The following MACROD2 variants were observed in gnomAD, a reference collection of about 807,000 sequenced individuals.
MACROD2 encodes mono-ADP ribosylhydrolase 2.
In MACROD2, 36 loss-of-function variants were observed where a neutral mutation model predicts 70.4. The ratio of observed to expected loss-of-function variants is 0.51; its 90% CI spans 0.39 to 0.68. The LOEUF is 0.68. Ranked by LOEUF, MACROD2 falls within the 30% of genes least tolerant of loss-of-function variation. The pLI, the probability that MACROD2 is intolerant of heterozygous loss-of-function variation, is 0.00. For synonymous variants in MACROD2, 172 were observed against 178.8 expected (o/e 0.96, Z 0.30); for missense variants, 496 against 538.4 (o/e 0.92, Z 0.78).
intron 5 of MACROD2, among the ~76,000 whole-genome samples, chr20:14,879,364 C>CCTAT (rs1336855478): frequency 6.6e-6 from 1 of 152,104 alleles, no homozygotes; most frequent in African/African-American, 2.4e-5. Flanking sequence ...ATGAATTTGA[C>CCTAT]CTATCTTTTA....
At chr20:14,785,233 A>G (rs952639820) in intron 5 of MACROD2, among the ~76,000 whole-genome samples, 3 of 151,922 alleles carry the variant, frequency 2.0e-5, no homozygotes, top group African/African-American at 7.3e-5. Context: ...TCATTTTAGG[A>G]GTCTGGGCTG....
intron 15 of MACROD2, among the ~76,000 whole-genome samples, chr20:16,040,651 C>T (rs969870193): frequency 5.3e-5 from 8 of 151,910 alleles, no homozygotes; most frequent in African/African-American, 9.7e-5. Context: ...AATCTACTGA[C>T]GACTAAATTC....
At chr20:15,306,958 T>C (rs2077703535) in intron 6 of MACROD2, among the ~76,000 whole-genome samples, 2 of 152,116 alleles carry the variant, frequency 1.3e-5, no homozygotes, top group South Asian at 4.2e-4. Flanking sequence ...ATTTAACTTA[T>C]GGCAGAAGGC....
intron 3 of MACROD2, among the ~76,000 whole-genome samples, chr20:14,415,744 G>C (rs1387212419): frequency 6.6e-6 from 1 of 152,168 alleles, no homozygotes; most frequent in Non-Finnish European, 1.5e-5. Flanking sequence ...CACAAGGAAA[G>C]AAAGTACAAA....
intron 15 of MACROD2, among the ~76,000 whole-genome samples, chr20:16,003,920 C>T (rs1745926): frequency 0.66 from 100,403 of 151,460 alleles, 33,456 homozygotes; most frequent in South Asian, 0.82. Flanking sequence ...CTGCCCGCCT[C>T]GGCCTCCAAA....
intron 17 of MACROD2, among the ~76,000 whole-genome samples, chr20:16,047,879 T>TA (rs2067405460): frequency 6.6e-6 from 1 of 152,202 alleles, no homozygotes; most frequent in Admixed American, 6.6e-5. Context: ...TTGGAACTGA[T>TA]ACCTCTGCAT....
chr20:14,353,512 A>C (rs1053889957), intron 3 of MACROD2, among the ~76,000 whole-genome samples: 3 of 152,064 alleles, frequency 2.0e-5, no homozygotes, highest in African/African-American at 7.2e-5. Context: ...GATATTGCAA[A>C]ATTTTTAAGC....
intron 5 of MACROD2, among the ~76,000 whole-genome samples, chr20:14,948,755 A>G (rs1320426556): frequency 6.6e-6 from 1 of 152,176 alleles, no homozygotes; most frequent in East Asian, 1.9e-4. Flanking sequence ...GTACCTAAGG[A>G]AAATTTTAGG....
intron 8 of MACROD2, among the ~76,000 whole-genome samples, chr20:15,654,034 C>T (rs948734541): frequency 6.6e-6 from 1 of 152,108 alleles, no homozygotes; most frequent in African/African-American, 2.4e-5. Context: ...CCATTCCAGC[C>T]CTATTCTCTG....
intron 3 of MACROD2, among the ~76,000 whole-genome samples, chr20:14,456,973 T>G (rs1048005578): frequency 6.6e-6 from 1 of 152,022 alleles, no homozygotes; most frequent in African/African-American, 2.4e-5. Context: ...CGCCTCGGCC[T>G]CCTGGTTTCC....
At chr20:14,046,433 A>T (rs1255193657) in intron 2 of MACROD2, among the ~76,000 whole-genome samples, 2 of 152,208 alleles carry the variant, frequency 1.3e-5, no homozygotes, top group African/African-American at 4.8e-5. Flanking sequence ...GAACAATGGG[A>T]ACTCTTAGAC....
intron 3 of MACROD2, among the ~76,000 whole-genome samples, chr20:14,198,825 T>G (rs1431151213): frequency 6.6e-6 from 1 of 152,234 alleles, no homozygotes; most frequent in Non-Finnish European, 1.5e-5. Flanking sequence ...GTATTACCTT[T>G]GTAAATAATC....
At chr20:14,413,224 C>T (rs911724101) in intron 3 of MACROD2, among the ~76,000 whole-genome samples, 7 of 148,420 alleles carry the variant, frequency 4.7e-5, no homozygotes, top group South Asian at 2.1e-4. Flanking sequence ...TAAATATGTA[C>T]GTGCGTGTGT....
intron 1 of MACROD2, among the ~76,000 whole-genome samples, chr20:14,001,474 C>T (rs886082519): frequency 2.0e-5 from 3 of 150,638 alleles, no homozygotes; most frequent in South Asian, 2.1e-4. Context: ...TGGTGGTTGC[C>T]TTTTTTTGTG....
intron 3 of MACROD2, among the ~76,000 whole-genome samples, chr20:14,298,636 G>A (rs971145723): frequency 6.6e-6 from 1 of 151,608 alleles, no homozygotes; most frequent in Non-Finnish European, 1.5e-5. Context: ...TTCCTCTGAT[G>A]GATCTGAGCA....
chr20:14,666,969 G>A (rs909056710), intron 4 of MACROD2, among the ~76,000 whole-genome samples: 1 of 151,480 alleles, frequency 6.6e-6, no homozygotes, highest in Admixed American at 6.6e-5. Flanking sequence ...AGGAACTGAA[G>A]GCTACTAGAT....
intron 15 of MACROD2, among the ~76,000 whole-genome samples, chr20:16,002,924 G>A (rs544862880): frequency 4.6e-5 from 7 of 152,276 alleles, no homozygotes; most frequent in African/African-American, 1.7e-4. Flanking sequence ...ATGATTGACA[G>A]ATGGGTAGGC....
intron 3 of MACROD2, among the ~76,000 whole-genome samples, chr20:14,412,506 T>C (rs1405654621): frequency 6.6e-6 from 1 of 151,994 alleles, no homozygotes; most frequent in Non-Finnish European, 1.5e-5. Flanking sequence ...GGTGACAGAG[T>C]TGAATTTCAG....
intron 8 of MACROD2, among the ~76,000 whole-genome samples, chr20:15,832,653 C>T (rs544506819): frequency 3.3e-4 from 51 of 152,322 alleles, no homozygotes; most frequent in African/African-American, 8.7e-4. Context: ...CAGGAAGCTA[C>T]GGGGCCATGT....
Sources: gnomAD v4.1 joint callset for allele counts (sites outside exome capture counted in the v4.1 genomes callset) on GRCh38, gnomAD v4.1.1 for gene constraint, MANE v1.5 for transcripts, NCBI Gene and HGNC (gene_info 2026-07-23, HGNC 2026-07-21) for gene names.